MALRD1: variants seen among roughly 807,000 people sequenced by gnomAD.
MALRD1 encodes MAM and LDL-receptor class A domain-containing protein 1.
In MALRD1, 247 loss-of-function variants were observed where a neutral mutation model predicts 242.1. The observed-to-expected ratio is 1.02, with a 90% CI of 0.92 to 1.13. MALRD1 has a LOEUF of 1.13. MALRD1 is among the 50% of genes most tolerant of loss of function. MALRD1 has a pLI of 0.00. For synonymous variants in MALRD1, 995 were observed against 866.6 expected (o/e 1.15, Z -2.60); for missense variants, 2,989 against 2,533.1 (o/e 1.18, Z -3.86).
intron 29 of MALRD1, among the ~76,000 whole-genome samples, chr10:19,473,570 C>T (rs994467541): frequency 1.3e-5 from 2 of 152,058 alleles, no homozygotes; most frequent in African/African-American, 4.8e-5. Context: ...TGGAATCATA[C>T]AGTATTTGCC....
intron 38 of MALRD1, among the ~76,000 whole-genome samples, chr10:19,707,514 G>T (rs893923793): frequency 6.6e-6 from 1 of 152,200 alleles, no homozygotes; most frequent in Non-Finnish European, 1.5e-5. Flanking sequence ...AAAAGATTGA[G>T]AAAGAGATTT....
chr10:19,067,238 C>G (rs888450196), intron 2 of MALRD1, among the ~76,000 whole-genome samples: 1 of 152,068 alleles, frequency 6.6e-6, no homozygotes, highest in Non-Finnish European at 1.5e-5. Flanking sequence ...TTTGCTTGGA[C>G]TGATTTCAGC....
At chr10:19,215,429 T>C (rs191836345) in intron 18 of MALRD1, among the ~76,000 whole-genome samples, 3 of 152,350 alleles carry the variant, frequency 2.0e-5, no homozygotes, top group African/African-American at 4.8e-5. Context: ...CCTTGCAAAT[T>C]GATATGGATG....
rs1834400470 is a variant in MALRD1 at position 19,531,231 on chromosome 10, C to A, written c.5358C>A (p.Gly1786=). 1.5e-5 allele frequency: 23 copies of A among 1,550,368 alleles called. No individual in the cohort carries two copies. Among genetic ancestry groups the A allele is most frequent in the Non-Finnish European group, 1.9e-5 (22 of 1,146,840 alleles). Residue 1786 remains glycine, a synonymous_variant, in exon 32 of 40, where the codon GGC becomes GGA. Transcript: ENST00000454679. ...ACTTCCTGTACGTCAACTCATCTGGCTCCAAGGAAGGATCCGTTGCCAGAA... is the reference window on the plus strand; with the variant it reads ...ACTTCCTGTACGTCAACTCATCTGGATCCAAGGAAGGATCCGTTGCCAGAA... ...GQHFLYVNSS[G]SKEGSVARIT... is the part of the protein sequence containing the mutation.
Position 19,415,885 on chromosome 10 carries a change from C to T in MALRD1, c.4845+26276C>T, listed in dbSNP as rs146176410. Among the ~76,000 whole-genome samples, 342 of 152,248 alleles carry T rather than the reference C, an allele frequency of 2.2e-3. 2 individuals carry two copies. Among genetic ancestry groups the T allele is most frequent in the African/African-American group, 8.1e-3 (336 of 41,562 alleles). On this transcript the variant is annotated intron_variant, in intron 28 of 39. Transcript: ENST00000454679. ...CCATCAGTTTTCTGTGTTGTTCACA[C>T]GTGAATTCCAAATATTAAGAATACG...
Position 19,104,086 on chromosome 10 carries a change from T to C in MALRD1, c.694+11T>C. The C allele has an allele frequency of 8.2e-7, 1 of 1,212,426 alleles. No homozygotes were observed. Among genetic ancestry groups the C allele is most frequent in the African/African-American group, 1.6e-5 (1 of 64,172 alleles). The allele number at this position is 1,212,426 out of a possible 1,614,324, so 75.1% of individuals were successfully genotyped here. A position where few individuals can be genotyped will look rare whatever the true frequency, so the allele number is the denominator to read the frequency against. ...GCTTGCCTGCCAATGGTAAGAACTT[T>C]TTCTCTCATTTTGATCTTTACTGTG... On this transcript the variant is annotated intron_variant, in intron 5 of 39. Coordinates refer to ENST00000454679, the MANE Select transcript of MALRD1 (RefSeq NM_001142308.3).
chr10:19,282,811 A>AT (rs1840882324), intron 20 of MALRD1, among the ~76,000 whole-genome samples: 2 of 151,992 alleles, frequency 1.3e-5, no homozygotes, highest in African/African-American at 2.4e-5. Flanking sequence ...TTTTTCCTAT[A>AT]TTTTTTCCTA....
intron 21 of MALRD1, among the ~76,000 whole-genome samples, chr10:19,305,310 T>C (rs966922972): frequency 2.0e-4 from 30 of 151,768 alleles, no homozygotes; most frequent in African/African-American, 7.2e-4. Context: ...GAAAATACTT[T>C]TCAAAAATCT....
intron 32 of MALRD1, among the ~76,000 whole-genome samples, chr10:19,535,496 C>G (rs565775181): frequency 3.4e-5 from 5 of 147,964 alleles, no homozygotes; most frequent in African/African-American, 1.2e-4. Flanking sequence ...TATACATATA[C>G]ACATATATAT....
intron 29 of MALRD1, among the ~76,000 whole-genome samples, chr10:19,458,012 C>A (rs1255548677): frequency 6.6e-6 from 1 of 151,934 alleles, no homozygotes; most frequent in East Asian, 1.9e-4. Context: ...CAGGTCATAG[C>A]AGTTTCTTTC....
intron 38 of MALRD1, chr10:19,722,616 AAAAG>A (rs1834820097): frequency 7.4e-6 from 1 of 134,598 alleles, no homozygotes; most frequent in Admixed American, 7.9e-5. Flanking sequence ...AAAAAAAAAA[AAAAG>A]GTGGAAAAAA....
intron 32 of MALRD1, among the ~76,000 whole-genome samples, chr10:19,534,380 C>T (rs1414506586): frequency 6.6e-6 from 1 of 152,172 alleles, no homozygotes; most frequent in Non-Finnish European, 1.5e-5. Context: ...TCTCCGTGTT[C>T]TTCGGATTGA....
At chr10:19,649,705 T>G (rs1840786079) in intron 36 of MALRD1, among the ~76,000 whole-genome samples, 1 of 152,340 alleles carries the variant, frequency 6.6e-6, no homozygotes, top group Admixed American at 6.5e-5. Context: ...TAATAGTTTC[T>G]TTTGCTGTGC....
At chr10:19,083,133 T>C (rs1319132891) in intron 2 of MALRD1, among the ~76,000 whole-genome samples, 1 of 152,060 alleles carries the variant, frequency 6.6e-6, no homozygotes, top group African/African-American at 2.4e-5. Context: ...AGATTATGTT[T>C]CCACATATGA....
At chr10:19,572,775 A>G (rs893633811) in intron 33 of MALRD1, among the ~76,000 whole-genome samples, 1 of 152,144 alleles carries the variant, frequency 6.6e-6, no homozygotes, top group African/African-American at 2.4e-5. Context: ...AGTACCATGT[A>G]ATGAAGGGGG....
At chr10:19,350,124 G>A (rs1312901241) in intron 25 of MALRD1, among the ~76,000 whole-genome samples, 3 of 151,920 alleles carry the variant, frequency 2.0e-5, no homozygotes, top group African/African-American at 7.3e-5. Flanking sequence ...ATTTTTATGA[G>A]AATCACCTCT....
At chr10:19,460,686 C>T (rs1213665731) in intron 29 of MALRD1, among the ~76,000 whole-genome samples, 1 of 152,060 alleles carries the variant, frequency 6.6e-6, no homozygotes, top group East Asian at 1.9e-4. Context: ...ATGACTCTAC[C>T]TAAAACAGTG....
intron 32 of MALRD1, among the ~76,000 whole-genome samples, chr10:19,551,677 G>A (rs184668854): frequency 4.2e-4 from 64 of 151,828 alleles, no homozygotes; most frequent in Middle Eastern, 3.4e-3. Context: ...TCCTTGTCTT[G>A]AAAGCGGAAT....
At chr10:19,360,898 G>A (rs7914937) in intron 26 of MALRD1, among the ~76,000 whole-genome samples, 85,776 of 151,808 alleles carry the variant, frequency 0.57, 24,362 homozygotes, top group Middle Eastern at 0.6. Flanking sequence ...TCTGGTTAAG[G>A]TAACCAGTGA....
Sources: gnomAD v4.1 joint callset for allele counts (sites outside exome capture counted in the v4.1 genomes callset) on GRCh38, gnomAD v4.1.1 for gene constraint, MANE v1.5 for transcripts, NCBI Gene and HGNC (gene_info 2026-07-23, HGNC 2026-07-21) for gene names.